RSAD2: variants seen among roughly 807,000 people sequenced by gnomAD.
RSAD2 encodes S-adenosylmethionine-dependent nucleotide dehydratase RSAD2.
A neutral mutation model predicts 37.7 loss-of-function variants in RSAD2; 38 were observed. The ratio of observed to expected loss-of-function variants is 1.01; its 90% CI spans 0.78 to 1.32. RSAD2 has a LOEUF of 1.32. RSAD2 is among the 40% of genes most tolerant of loss of function. The probability of loss-of-function intolerance (pLI) is 0.00; values close to 1 mark genes in which losing one functional copy is unlikely to be tolerated. For missense variants in RSAD2, 428 were observed against 437.5 expected (o/e 0.98, Z 0.19); for synonymous variants, 163 against 157.4 (o/e 1.04, Z -0.27).
intron 1 of RSAD2, among the ~76,000 whole-genome samples, chr2:6,879,544 C>A (rs952540232): frequency 6.6e-6 from 1 of 152,138 alleles, no homozygotes; most frequent in Non-Finnish European, 1.5e-5. Flanking sequence ...TGTTGGTGAA[C>A]TTTCAAAGTT....
rs753400047 is a variant in RSAD2, at chr2:6,883,477, C to T, written c.453C>T (p.Ser151=). Residue 151 remains serine (S), a synonymous_variant, in exon 2 of 6, where the codon AGC becomes AGT. Coordinates refer to ENST00000382040, the MANE Select transcript of RSAD2 (RefSeq NM_080657.5). The part of the protein sequence containing the change: ...RFCKVELRLP[S]VSIVSNGSLI... ...GCAAAGTAGAGTTGCGGCTGCCCAG[C>T]GTGAGCATCGTGAGCAATGGAAGCC... is the stretch of plus-strand genomic sequence containing the variant. 6.8e-6 allele frequency: 11 copies of T among 1,614,092 alleles called. No individual in the cohort carries two copies. Among genetic ancestry groups the T allele is most frequent in the South Asian group, 2.2e-5 (2 of 91,072 alleles).
chr2:6,872,582 T>C (rs1243021504), intron 1 of RSAD2, among the ~76,000 whole-genome samples: 1 of 152,108 alleles, frequency 6.6e-6, no homozygotes, highest in Non-Finnish European at 1.5e-5. Context: ...AGAAAGAACC[T>C]TGTGTGACAC....
rs947891130 is a variant in RSAD2 at position 6,878,140 on chromosome 2, G to A, written c.340G>A (p.Glu114Lys). 1.2e-5 allele frequency: 19 copies of A among 1,612,600 alleles called. No homozygotes were observed. Among genetic ancestry groups the A allele is most frequent in the Non-Finnish European group, 1.5e-5 (18 of 1,179,318 alleles). ...AAAGAGAGGATTGCTTTTGCTTAAG[G>A]AAGCTGGTGAGTACATGGTCCTAGA... is the stretch of plus-strand genomic sequence containing the variant. ...EAKRGLLLLK[E>K]AGMEKINFSG... Residue 114 changes from glutamate (E) to lysine (K), a missense_variant, in exon 1 of 6, where the codon GAA becomes AAA. Physicochemically the swap from Glu to Lys is moderately conservative, Grantham distance 56. Transcript: ENST00000382040.
chr2:6,871,034 C>A (rs1388214129), intron 1 of RSAD2, among the ~76,000 whole-genome samples: 2 of 152,164 alleles, frequency 1.3e-5, no homozygotes, highest in African/African-American at 4.8e-5. Context: ...TCTACACACA[C>A]AACTGGAAAA....
intron 4 of RSAD2, among the ~76,000 whole-genome samples, chr2:6,892,186 A>G (rs1461888551): frequency 6.6e-6 from 1 of 152,200 alleles, no homozygotes; most frequent in Non-Finnish European, 1.5e-5. Flanking sequence ...CATATGTTTA[A>G]GTAATGCTAG....
intron 4 of RSAD2, among the ~76,000 whole-genome samples, chr2:6,890,857 AG>A (rs944489395): frequency 2.0e-5 from 3 of 152,292 alleles, no homozygotes; most frequent in African/African-American, 7.2e-5. Context: ...CGATAAAACA[AG>A]GTTGGCCAAA....
At chr2:6,866,334 C>T (rs1329503017) in intron 1 of RSAD2, 1 of 669,972 alleles carries the variant, frequency 1.5e-6, no homozygotes, top group African/African-American at 2.0e-5. Context: ...CCTGCGGGAA[C>T]AGGGCGCAGT....
chr2:6,881,199 T>G (rs1460090812), intron 1 of RSAD2, among the ~76,000 whole-genome samples: 1 of 152,200 alleles, frequency 6.6e-6, no homozygotes, highest in Non-Finnish European at 1.5e-5. Flanking sequence ...TCTTAGGTAA[T>G]TATGTTTTGT....
At chr2:6,871,545 G>A (rs547060229) in intron 1 of RSAD2, among the ~76,000 whole-genome samples, 2 of 152,246 alleles carry the variant, frequency 1.3e-5, no homozygotes, top group South Asian at 2.1e-4. Flanking sequence ...ATTTGGTAAG[G>A]GATTTTGCTA....
At position 6,896,829 on chromosome 2, in the gene RSAD2, G is replaced by T. The variant is rs940590390; in HGVS notation, c.*887G>T. On this transcript the variant is annotated 3_prime_UTR_variant, in exon 6 of 6. Transcript: ENST00000382040. Reference sequence around the variant, plus strand: ...ATGATGGAGTTGACATGGAGGCAGTGCTTGCATTGCTTTGTTCGCCTATCA... The same window carrying T: ...ATGATGGAGTTGACATGGAGGCAGTTCTTGCATTGCTTTGTTCGCCTATCA... 6.6e-6 allele frequency: 1 copy of T among 152,190 alleles called. No homozygotes were observed. Among genetic ancestry groups the T allele is most frequent in the African/African-American group, 2.4e-5 (1 of 41,436 alleles). 9.4% of individuals were successfully genotyped at this position (152,190 alleles called of 1,614,324 possible).
At chr2:6,877,427 A>T (rs1034948971), upstream of RSAD2, among the ~76,000 whole-genome samples, 5 of 152,230 alleles carry the variant, frequency 3.3e-5, no homozygotes, top group Non-Finnish European at 7.3e-5. Context: ...AAAGCAATGC[A>T]ACAAGTACAA....
chr2:6,888,454 C>G (rs889379466), intron 3 of RSAD2, among the ~76,000 whole-genome samples: 5 of 152,200 alleles, frequency 3.3e-5, no homozygotes, highest in East Asian at 1.9e-4. Context: ...GAGGCTCCAG[C>G]TGGAGGGCTA....
At chr2:6,873,177 G>C (rs1323474444), upstream of RSAD2, among the ~76,000 whole-genome samples, 3 of 152,114 alleles carry the variant, frequency 2.0e-5, no homozygotes, top group Non-Finnish European at 4.4e-5. Context: ...TGAAGATCTA[G>C]AAAACCAAAG....
upstream of RSAD2, among the ~76,000 whole-genome samples, chr2:6,877,415 A>T (rs1461835060): frequency 6.6e-6 from 1 of 152,252 alleles, no homozygotes; most frequent in Non-Finnish European, 1.5e-5. Flanking sequence ...CTATGTCAAG[A>T]GAAAGCAATG....
At chr2:6,873,288 A>C (rs1028339831), upstream of RSAD2, among the ~76,000 whole-genome samples, 2 of 152,234 alleles carry the variant, frequency 1.3e-5, no homozygotes, top group African/African-American at 2.4e-5. Flanking sequence ...CCTAAGAACC[A>C]AGGATTTCCA....
At chr2:6,893,612 G>A in intron 4 of RSAD2, 59 bp from the exon 5 acceptor site, 1 of 1,323,876 alleles carries the variant, frequency 7.6e-7, no homozygotes, top group Non-Finnish European at 1.1e-6. Context: ...GTGGACAATT[G>A]AGCTCACATA....
In RSAD2 at chr2:6,878,033, A is replaced by C. The variant is rs750715815; in HGVS notation, c.233A>C (p.His78Pro). 6.2e-7 allele frequency: 1 copy of C among 1,614,142 alleles called. No homozygotes were observed. Among genetic ancestry groups the C allele is most frequent in the Non-Finnish European group, 8.5e-7 (1 of 1,180,026 alleles). The change falls in exon 1 of 6, where the codon CAC becomes CCC. Residue 78 changes from histidine (H) to proline (P), a missense_variant. His to Pro is a moderately conservative substitution (Grantham distance 77). Coordinates refer to ENST00000382040, the MANE Select transcript of RSAD2 (RefSeq NM_080657.5). ...LPTTPTSVNY[H>P]FTRQCNYKCG... ...ACCACCCCAACCAGCGTCAACTATC[A>C]CTTCACTCGCCAGTGCAACTACAAA...
At chr2:6,867,095 C>T (rs1663109769) in intron 1 of RSAD2, among the ~76,000 whole-genome samples, 1 of 152,174 alleles carries the variant, frequency 6.6e-6, no homozygotes, top group Admixed American at 6.5e-5. Context: ...TCTAGTTACT[C>T]CCTTTTCTTC....
At chr2:6,876,760 C>T (rs535163272), upstream of RSAD2, 1 of 152,270 alleles carries the variant, frequency 6.6e-6, no homozygotes, top group South Asian at 2.1e-4. Context: ...TAACTGAACA[C>T]TTAAAGTTTG....
Sources: allele counts gnomAD v4.1 joint callset (sites outside exome capture counted in the v4.1 genomes callset), GRCh38; gene constraint gnomAD v4.1.1; transcripts MANE v1.5; gene names NCBI Gene and HGNC (gene_info 2026-07-23, HGNC 2026-07-21).